TTC12: variants seen among roughly 807,000 people sequenced by gnomAD.
TTC12 encodes tetratricopeptide repeat protein 12.
In TTC12, 70 loss-of-function variants were observed where a neutral mutation model predicts 90.1. That is an observed-to-expected ratio of 0.78 (90% CI 0.64 to 0.95). The LOEUF (loss-of-function observed/expected upper bound fraction) is 0.95. Ranked by LOEUF, TTC12 falls within the 40% of genes least tolerant of loss-of-function variation. The pLI is 0.00. For missense variants in TTC12, 819 were observed against 846.1 expected, an observed-to-expected ratio of 0.97 and a Z score of 0.40; for synonymous variants, 296 against 311.5, an observed-to-expected ratio of 0.95 and a Z score of 0.53.
chr11:113,336,713 A>C (rs781939584), intron 8 of TTC12, among the ~76,000 whole-genome samples: 1 of 152,174 alleles, frequency 6.6e-6, no homozygotes, highest in African/African-American at 2.4e-5. Flanking sequence ...ATTGATCTAC[A>C]TGTCTGTCCT....
rs1341393845 is a variant in TTC12, at chr11:113,361,854, G to T, written c.1615-547G>T. Among the ~76,000 whole-genome samples the T allele has an allele frequency of 3.3e-5, 5 of 150,580 alleles. No individual in the cohort carries two copies. In the East Asian group the frequency reaches 7.8e-4, roughly 23 times the overall value. On this transcript the variant is annotated intron_variant, in intron 18 of 21. Coordinates refer to ENST00000529221, the MANE Select transcript of TTC12 (RefSeq NM_017868.4). ...AAATTGATCCAAAAGAAATAGAGAT[G>T]ATATAGGAAACAGAAGAAAAAAATA...
chr11:113,336,504 T>C (rs902508969), intron 8 of TTC12, among the ~76,000 whole-genome samples: 1 of 152,208 alleles, frequency 6.6e-6, no homozygotes, highest in Non-Finnish European at 1.5e-5. Flanking sequence ...AAAAGTTTTA[T>C]GGCTTTAGCT....
chr11:113,335,381 G>A (rs539155278), intron 8 of TTC12, among the ~76,000 whole-genome samples: 1 of 152,230 alleles, frequency 6.6e-6, no homozygotes, highest in South Asian at 2.1e-4. Flanking sequence ...ATTTATCCAT[G>A]CTAAGATATT....
chr11:113,315,084 G>A (rs1440919608), intron 1 of TTC12: 1 of 152,274 alleles, frequency 6.6e-6, no homozygotes, highest in African/African-American at 2.4e-5. Context: ...TCATACCGTT[G>A]GGCAGATTAA....
intron 16 of TTC12, among the ~76,000 whole-genome samples, chr11:113,352,737 G>A (rs1209537793): frequency 6.6e-6 from 1 of 152,046 alleles, no homozygotes; most frequent in Non-Finnish European, 1.5e-5. Context: ...ATCTGCAAAG[G>A]ATAATAGCCT....
At chr11:113,328,373 T>G (rs1467514625) in intron 6 of TTC12, among the ~76,000 whole-genome samples, 1 of 152,198 alleles carries the variant, frequency 6.6e-6, no homozygotes, top group Admixed American at 6.5e-5. Flanking sequence ...ATTCCTCTAG[T>G]CCTTAGAAAC....
chr11:113,337,966 G>A (rs556356111), intron 8 of TTC12, among the ~76,000 whole-genome samples: 56 of 152,254 alleles, frequency 3.7e-4, no homozygotes, highest in African/African-American at 1.3e-3. Flanking sequence ...CTGTTCCTGC[G>A]ACACTGTTCT....
intron 3 of TTC12, 29 bp downstream of exon 3, chr11:113,323,480 AGTACTTACAG>A: frequency 6.7e-7 from 1 of 1,487,406 alleles, no homozygotes; most frequent in Non-Finnish European, 9.0e-7. Context: ...AAGTTATATA[AGTACTTACAG>A]TGAGAAGACC....
intron 5 of TTC12, among the ~76,000 whole-genome samples, chr11:113,325,020 A>G (rs1441769393): frequency 6.6e-6 from 1 of 152,170 alleles, no homozygotes; most frequent in Non-Finnish European, 1.5e-5. Flanking sequence ...GCATAGATGA[A>G]GAAGTGGAAA....
chr11:113,314,823 C>G (rs1299499427), intron 1 of TTC12: 1 of 147,650 alleles, frequency 6.8e-6, no homozygotes, highest in Non-Finnish European at 1.5e-5. Context: ...TGCGTGCGGC[C>G]TGGCCTCTTT....
In TTC12 at chr11:113,350,096, T is replaced by C; in HGVS notation, c.1178T>C (p.Phe393Ser). Residue 393 changes from phenylalanine (F) to serine (S), a missense_variant, in exon 14 of 22, where the codon TTT becomes TCT. Coordinates refer to ENST00000529221, the MANE Select transcript of TTC12 (RefSeq NM_017868.4). ...LTRLLEALVS[F>S]LDFSDKEANT... is the part of the protein sequence containing the mutation. ...AGATTATTGGAAGCGCTGGTGTCAT[T>C]TCTTGATTTCTCGGATAAGGAGGCC... is the stretch of plus-strand genomic sequence containing the variant. 1 of 1,614,008 alleles carries C rather than the reference T, an allele frequency of 6.2e-7. No homozygotes were observed. Among genetic ancestry groups the C allele is most frequent in the Non-Finnish European group, 8.5e-7 (1 of 1,179,878 alleles).
chr11:113,335,468 A>G (rs1486440813), intron 8 of TTC12, among the ~76,000 whole-genome samples: 1 of 152,122 alleles, frequency 6.6e-6, no homozygotes, highest in African/African-American at 2.4e-5. Flanking sequence ...ACTAAAAACT[A>G]TATGATTCAA....
At chr11:113,351,370 A>C in intron 15 of TTC12, 71 bp downstream of exon 15, 1 of 1,226,040 alleles carries the variant, frequency 8.2e-7, no homozygotes. Context: ...GTTTAAACAC[A>C]ATTTACAATC....
chr11:113,356,048 C>A (rs1355324672), intron 16 of TTC12, among the ~76,000 whole-genome samples: 2 of 152,136 alleles, frequency 1.3e-5, no homozygotes, highest in Non-Finnish European at 2.9e-5. Flanking sequence ...GATAAAGTCT[C>A]CTGCTATTAT....
intron 18 of TTC12, among the ~76,000 whole-genome samples, chr11:113,361,290 TG>T (rs1262833537): frequency 2.0e-5 from 3 of 152,172 alleles, no homozygotes; most frequent in South Asian, 2.1e-4. Flanking sequence ...TTAAAGCCAT[TG>T]GGGGGGAACA....
At position 113,341,120 on chromosome 11, in the gene TTC12, C is replaced by T. The variant is rs368536959; in HGVS notation, c.896+387C>T. 2.6e-5 allele frequency among the ~76,000 whole-genome samples: 4 copies of T among 152,114 alleles called. No homozygotes were observed. In the East Asian group the frequency reaches 7.7e-4, roughly 29 times the overall value. On this transcript the variant is annotated intron_variant, in intron 11 of 21. Transcript: ENST00000529221. The stretch of plus-strand genomic sequence containing the variant: ...TGGCAGGCACCTGTAATCCCAGCTG[C>T]TCAGGAGGCTGAGGCACGAGAATCG...
At chr11:113,368,588 TC>T (rs2138097528), downstream of TTC12, 1 of 1,204,058 alleles carries the variant, frequency 8.3e-7, no homozygotes, top group Non-Finnish European at 1.2e-6. Flanking sequence ...TAACAGACAG[TC>T]CAGAGCTGCT....
intron 2 of TTC12, among the ~76,000 whole-genome samples, chr11:113,318,719 CAG>C (rs1392244428): frequency 6.6e-6 from 1 of 152,044 alleles, no homozygotes; most frequent in Non-Finnish European, 1.5e-5. Context: ...GGGAAAATGA[CAG>C]GGGAGTGTCC....
At chr11:113,322,991 A>C (rs1555139162) in intron 2 of TTC12, among the ~76,000 whole-genome samples, 1 of 152,014 alleles carries the variant, frequency 6.6e-6, no homozygotes, top group African/African-American at 2.4e-5. Flanking sequence ...TAGCATCAGC[A>C]TAATATCTAA....
Sources: allele counts gnomAD v4.1 joint callset (sites outside exome capture counted in the v4.1 genomes callset), GRCh38; gene constraint gnomAD v4.1.1; transcripts MANE v1.5; gene names NCBI Gene and HGNC (gene_info 2026-07-23, HGNC 2026-07-21).